NWD2: variants seen among roughly 807,000 people sequenced by gnomAD.
NWD2 encodes the protein NACHT and WD repeat domain-containing protein 2.
Under a neutral mutation model 132.7 loss-of-function variants are expected in NWD2, and 37 were observed. The observed-to-expected ratio is 0.28, with a 90% CI of 0.21 to 0.37. NWD2 has a LOEUF of 0.37. Among genes scored for constraint, NWD2 ranks in the 10% least tolerant of loss-of-function variants. The pLI is 1.00. For synonymous variants in NWD2, 705 were observed against 803.0 expected, an observed-to-expected ratio of 0.88 and a Z score of 2.06; for missense variants, 1,592 against 2,122.4, an observed-to-expected ratio of 0.75 and a Z score of 4.91.
intron 2 of NWD2, among the ~76,000 whole-genome samples, chr4:37,331,577 C>T (rs955837744): frequency 1.3e-5 from 2 of 151,938 alleles, no homozygotes; most frequent in African/African-American, 4.8e-5. Context: ...TGTACAATAC[C>T]ACCAGAATCA....
chr4:37,288,307 A>C (rs951198722), intron 1 of NWD2, among the ~76,000 whole-genome samples: 3 of 152,238 alleles, frequency 2.0e-5, no homozygotes, highest in Non-Finnish European at 4.4e-5. Flanking sequence ...AAGAAGATAG[A>C]GTATTTTCTA....
chr4:37,381,822 T>A (rs1205865668), intron 3 of NWD2, among the ~76,000 whole-genome samples: 1 of 152,188 alleles, frequency 6.6e-6, no homozygotes, highest in Non-Finnish European at 1.5e-5. Flanking sequence ...AAGGGAGAAA[T>A]TAAAGTTTAA....
intron 1 of NWD2, among the ~76,000 whole-genome samples, chr4:37,252,055 A>C (rs897503572): frequency 6.6e-6 from 1 of 152,150 alleles, no homozygotes; most frequent in East Asian, 1.9e-4. Context: ...CGAGGTGTGG[A>C]GGGGGTCAGA....
At chr4:37,317,849 A>G (rs1244743833) in intron 1 of NWD2, among the ~76,000 whole-genome samples, 1 of 152,210 alleles carries the variant, frequency 6.6e-6, no homozygotes, top group African/African-American at 2.4e-5. Context: ...GTCAACTATT[A>G]CTTGAAAGTG....
chr4:37,401,288 A>T (rs1720890309), intron 3 of NWD2, among the ~76,000 whole-genome samples: 1 of 152,082 alleles, frequency 6.6e-6, no homozygotes, highest in Non-Finnish European at 1.5e-5. Context: ...ACCTGAGAAG[A>T]TCTCCTACCT....
At chr4:37,337,478 C>A (rs895950722) in intron 2 of NWD2, among the ~76,000 whole-genome samples, 2 of 152,166 alleles carry the variant, frequency 1.3e-5, no homozygotes, top group Non-Finnish European at 2.9e-5. Context: ...GCAGGAAGAT[C>A]TTGCCCGCAA....
chr4:37,285,795 A>G (rs1052657042), intron 1 of NWD2, among the ~76,000 whole-genome samples: 2 of 152,212 alleles, frequency 1.3e-5, no homozygotes, highest in Admixed American at 1.3e-4. Flanking sequence ...TTTTTAAATC[A>G]AAAGTATATA....
chr4:37,425,128 A>G (rs1316856073), intron 3 of NWD2, among the ~76,000 whole-genome samples: 2 of 152,212 alleles, frequency 1.3e-5, no homozygotes, highest in Non-Finnish European at 2.9e-5. Flanking sequence ...AAAGAGCTCA[A>G]TAGTTCAGAA....
At position 37,287,161 on chromosome 4, in the gene NWD2, C is replaced by T. The variant is rs181601174; in HGVS notation, c.152-38775C>T. Among the ~76,000 whole-genome samples the T allele has an allele frequency of 5.9e-5, 9 of 152,286 alleles. No homozygotes were observed. In the East Asian group the frequency reaches 1.4e-3, roughly 23 times the overall value. On this transcript the variant is annotated intron_variant, in intron 1 of 6. Coordinates refer to ENST00000309447, the MANE Select transcript of NWD2 (RefSeq NM_001144990.2). ...GCTTTTTCCATGGAACTGTGCAACA[C>T]GGATCCGAAGATCCCACTCAAACCC... is the stretch of plus-strand genomic sequence containing the variant.
At chr4:37,318,089 G>C (rs1718996189) in intron 1 of NWD2, among the ~76,000 whole-genome samples, 1 of 139,988 alleles carries the variant, frequency 7.1e-6, no homozygotes, top group South Asian at 2.2e-4. Context: ...GCAGTGGCAT[G>C]ATCTTGGCTC....
chr4:37,371,134 G>T (rs1232033503), intron 3 of NWD2, among the ~76,000 whole-genome samples: 1 of 136,864 alleles, frequency 7.3e-6, no homozygotes, highest in Non-Finnish European at 1.5e-5. Context: ...CTGGAGGGCA[G>T]TGGTGCAATC....
intron 4 of NWD2, among the ~76,000 whole-genome samples, chr4:37,432,369 A>G (rs1446484889): frequency 1.4e-5 from 2 of 139,300 alleles, no homozygotes; most frequent in East Asian, 2.0e-4. Context: ...AAGAAGAAAA[A>G]AAAAAAAAAA....
chr4:37,309,100 C>T (rs1206883510), intron 1 of NWD2, among the ~76,000 whole-genome samples: 1 of 152,196 alleles, frequency 6.6e-6, no homozygotes, highest in Non-Finnish European at 1.5e-5. Flanking sequence ...TGGGCCAGTC[C>T]TGGGCCCCCA....
chr4:37,329,157 A>G (rs1350783346), intron 2 of NWD2, among the ~76,000 whole-genome samples: 1 of 152,118 alleles, frequency 6.6e-6, no homozygotes, highest in Non-Finnish European at 1.5e-5. Flanking sequence ...GCTTCTCTGA[A>G]ATTCAATGCA....
At chr4:37,430,369 C>G (rs1385599882) in intron 3 of NWD2, among the ~76,000 whole-genome samples, 2 of 152,184 alleles carry the variant, frequency 1.3e-5, no homozygotes, top group African/African-American at 4.8e-5. Context: ...TCTCATTTCT[C>G]AGCCTATGAA....
At chr4:37,265,658 T>C (rs1023945102) in intron 1 of NWD2, among the ~76,000 whole-genome samples, 4 of 152,018 alleles carry the variant, frequency 2.6e-5, no homozygotes, top group Non-Finnish European at 4.4e-5. Context: ...CTGTGACCTC[T>C]GCTTCCACTG....
intron 1 of NWD2, among the ~76,000 whole-genome samples, chr4:37,304,645 C>T (rs1287749877): frequency 2.0e-5 from 3 of 152,190 alleles, no homozygotes; most frequent in African/African-American, 7.2e-5. Flanking sequence ...AAGTCTGAAA[C>T]CCAGCAGGGC....
At chr4:37,442,098 T>C (rs1298420375) in intron 6 of NWD2, among the ~76,000 whole-genome samples, 1 of 152,210 alleles carries the variant, frequency 6.6e-6, no homozygotes, top group African/African-American at 2.4e-5. Context: ...ACGAAATGTT[T>C]ATTTTCCTTA....
At chr4:37,373,883 AAT>A (rs1275404567) in intron 3 of NWD2, among the ~76,000 whole-genome samples, 1 of 152,248 alleles carries the variant, frequency 6.6e-6, no homozygotes. Context: ...TGTATCTGAA[AAT>A]GGTTTGCCAT....
Sources: allele counts gnomAD v4.1 joint callset (sites outside exome capture counted in the v4.1 genomes callset), GRCh38; gene constraint gnomAD v4.1.1; transcripts MANE v1.5; gene names NCBI Gene and HGNC (gene_info 2026-07-23, HGNC 2026-07-21).